P3H3: variants seen among roughly 807,000 people sequenced by gnomAD.
P3H3 encodes gene rich cluster, B.
A neutral mutation model predicts 78.1 loss-of-function variants in P3H3; 64 were observed. The observed-to-expected ratio is 0.82, with a 90% CI of 0.67 to 1.01. The LOEUF (loss-of-function observed/expected upper bound fraction) is 1.01, where lower values mean the gene tolerates loss of function less well. Ranked by LOEUF, P3H3 falls within the 50% of genes least tolerant of loss-of-function variation. The probability of loss-of-function intolerance (pLI) is 0.00; values close to 1 mark genes in which losing one functional copy is unlikely to be tolerated. For missense variants in P3H3, 975 were observed against 982.2 expected, an observed-to-expected ratio of 0.99 and a Z score of 0.10; for synonymous variants, 425 against 416.7, an observed-to-expected ratio of 1.02 and a Z score of -0.24.
In P3H3 at chr12:6,829,897, C is replaced by T. The variant is rs782256594; in HGVS notation, c.537C>T (p.Thr179=). 11 of 1,613,906 alleles carry T rather than the reference C, an allele frequency of 6.8e-6. No homozygotes were observed. The highest frequency in any genetic ancestry group is 2.2e-5 in the South Asian group (2 of 91,090). The part of the protein sequence containing the change: ...KLDLAAAAAH[T]FFVANPMHLQ... Reference sequence around the variant, plus strand: ...ATCTGGCAGCTGCGGCAGCACACACCTTCTTTGTAGCAAACCCCATGCACC... The same window carrying T: ...ATCTGGCAGCTGCGGCAGCACACACTTTCTTTGTAGCAAACCCCATGCACC... The change falls in exon 2 of 15, where the codon ACC becomes ACT. Residue 179 remains threonine (T), a synonymous_variant. Transcript: ENST00000290510. This position sits in a 1 kb window ranked among gnomAD's most constrained non-coding sequence, Gnocchi z 5.1.
intron 6 of P3H3, 118 bp from the exon 7 acceptor site, chr12:6,833,473 TC>T (rs1423551469): frequency 2.0e-6 from 2 of 1,017,574 alleles, no homozygotes; most frequent in Non-Finnish European, 3.0e-6. Flanking sequence ...CCCGGGCTTT[TC>T]CTACCTCCGT....
intron 13 of P3H3, 97 bp from the exon 14 acceptor site, chr12:6,838,903 C>A: frequency 1.9e-6 from 2 of 1,067,574 alleles, no homozygotes; most frequent in Non-Finnish European, 1.3e-6. Context: ...AGAGCTGATC[C>A]TCTCTGTGCC....
At chr12:6,830,235 C>A in intron 2 of P3H3, 118 bp from the exon 3 acceptor site, 1 of 1,095,366 alleles carries the variant, frequency 9.1e-7, no homozygotes. Flanking sequence ...TATTCTTCTC[C>A]ACGGTGAAGA....
chr12:6,830,213 G>A (rs1555121091), intron 2 of P3H3, 140 bp from the exon 3 acceptor site: 4 of 1,027,684 alleles, frequency 3.9e-6, no homozygotes, highest in Non-Finnish European at 1.4e-6. Context: ...TTATGATTCT[G>A]AGGCCCACCC....
rs782204273 is a variant in P3H3 at position 6,830,665 on chromosome 12, C to G, written c.880C>G (p.Arg294Gly). The change falls in exon 4 of 15, where the codon CGG becomes GGG. Residue 294 changes from arginine (R) to glycine (G), a missense_variant. Coordinates refer to ENST00000290510, the MANE Select transcript of P3H3 (RefSeq NM_014262.5). ...ACACTGGATTCAGGTCCTGCAGTGC[C>G]GGCAACGCTGTGTGGGGGAAACAGC... The part of the protein sequence containing the change: ...AGHWIQVLQC[R>G]QRCVGETATR... 1.2e-6 allele frequency: 2 copies of G among 1,613,002 alleles called. No individual in the cohort carries two copies. The highest frequency in any genetic ancestry group is 1.7e-6 in the Non-Finnish European group (2 of 1,179,512).
chr12:6,832,056 G>C (rs577260929), intron 6 of P3H3, 142 bp downstream of exon 6: 2 of 621,952 alleles, frequency 3.2e-6, no homozygotes, highest in South Asian at 3.9e-5. Context: ...GACGGAGACA[G>C]TGTGCCTGTA....
In P3H3 at chr12:6,829,045, GGGGCTGGGGAGCGTACCGC is replaced by G. The variant is rs1360744160; in HGVS notation, c.498+112_498+130del. On this transcript the variant is annotated intron_variant, in intron 1 of 14. Transcript: ENST00000290510. The surrounding 1 kb of genome is among the most constrained non-coding windows in gnomAD (Gnocchi z 5.1). ...GAATGCTGTTGCCCGGGCCCCGCAC[GGGGCTGGGGAGCGTACCGC>G]GGGCCTCTGCGTAGGAGCTGGCTAA... 1.4e-6 allele frequency: 1 copy of G among 698,578 alleles called. No homozygotes were observed. Among genetic ancestry groups the G allele is most frequent in the East Asian group, 3.4e-5 (1 of 29,248 alleles). The allele number at this position is 698,578 out of a possible 1,614,324, so 43.3% of individuals were successfully genotyped here. A position where few individuals can be genotyped will look rare whatever the true frequency, so the allele number is the denominator to read the frequency against.
intron 13 of P3H3, 27 bp from the exon 14 acceptor site, chr12:6,838,973 G>C (rs782188484): frequency 1.3e-6 from 2 of 1,544,338 alleles, no homozygotes. Flanking sequence ...CCAATCCCTG[G>C]AGCTGAACCT....
At chr12:6,833,529 C>G in intron 6 of P3H3, 63 bp from the exon 7 acceptor site, 1 of 1,489,030 alleles carries the variant, frequency 6.7e-7, no homozygotes, top group Non-Finnish European at 9.4e-7. Context: ...TATTTCAGCT[C>G]TAATGTCAGG....
At position 6,830,642 on chromosome 12, in the gene P3H3, ACTGGATT is replaced by A; in HGVS notation, c.859_865del (p.Trp287ArgfsTer31). Reference sequence around the variant, plus strand: ...GGCTTATGGGTTTCCTCTGCAGGACACTGGATTCAGGTCCTGCAGTGCCGGCAACGCT... The same window carrying A: ...GGCTTATGGGTTTCCTCTGCAGGACACAGGTCCTGCAGTGCCGGCAACGCT... On this transcript the variant is annotated frameshift_variant, in exon 4 of 15. Coordinates refer to ENST00000290510, the MANE Select transcript of P3H3 (RefSeq NM_014262.5). LOFTEE classifies it high-confidence loss of function. 6.2e-7 allele frequency: 1 copy of A among 1,611,460 alleles called. No individual in the cohort carries two copies. Among genetic ancestry groups the A allele is most frequent in the East Asian group, 2.2e-5 (1 of 44,842 alleles).
chr12:6,831,270 C>T lies in P3H3; in HGVS notation c.1040C>T (p.Pro347Leu), dbSNP rs782279393. The change falls in exon 5 of 15, where the codon CCG (proline) becomes CTG (leucine). Residue 347 changes from proline (P) to leucine (L), a missense_variant. Transcript: ENST00000290510. This position sits in a 1 kb window ranked among gnomAD's most constrained non-coding sequence, Gnocchi z 4.6. ...GTCCTGAGTGTCCTGCTCTTCTACC[C>T]GGAGGATGAGGCTGCCAAGAGGGCT... ...ENVLSVLLFY[P>L]EDEAAKRALN... 80 of 1,613,744 alleles carry T rather than the reference C, an allele frequency of 5.0e-5. No individual in the cohort carries two copies. Among genetic ancestry groups the T allele is most frequent in the South Asian group, 3.4e-4 (31 of 91,078 alleles).
intron 9 of P3H3, among the ~76,000 whole-genome samples, chr12:6,836,321 G>A (rs782219088): frequency 5.3e-5 from 8 of 151,544 alleles, no homozygotes; most frequent in Admixed American, 2.6e-4. Flanking sequence ...TAACTAGATA[G>A]TGGTGCTTAA....
chr12:6,830,082 CTG>C lies in P3H3; in HGVS notation c.651+74_651+75del, dbSNP rs1438314294. 3 of 1,583,010 alleles carry C rather than the reference CTG, an allele frequency of 1.9e-6. No individual in the cohort carries two copies. The Admixed American group carries it at 5.2e-5, about 27-fold the overall frequency. On this transcript the variant is annotated intron_variant, in intron 2 of 14. Coordinates refer to ENST00000290510, the MANE Select transcript of P3H3 (RefSeq NM_014262.5). ...GGCTGGATACACAGGCCTCACTAAA[CTG>C]TGCGTTGTGCTGCTTGAGCATACAG...
At chr12:6,835,211 A>G (rs1555121933) in intron 9 of P3H3, among the ~76,000 whole-genome samples, 1 of 152,180 alleles carries the variant, frequency 6.6e-6, no homozygotes, top group African/African-American at 2.4e-5. Flanking sequence ...CTATAAAATG[A>G]GGATAATAAT....
chr12:6,838,081 G>C, intron 13 of P3H3, 48 bp downstream of exon 13: 1 of 1,562,636 alleles, frequency 6.4e-7, no homozygotes, highest in Non-Finnish European at 8.7e-7. Context: ...CCCAGCTGTG[G>C]GGTCAGGATT....
Position 6,831,272 on chromosome 12 carries a change from G to A in P3H3, c.1042G>A (p.Glu348Lys), listed in dbSNP as rs782700566. 3 of 1,613,918 alleles carry A rather than the reference G, an allele frequency of 1.9e-6. No homozygotes were observed. Among genetic ancestry groups the A allele is most frequent in the African/African-American group, 2.7e-5 (2 of 75,024 alleles). ...CCTGAGTGTCCTGCTCTTCTACCCG[G>A]AGGATGAGGCTGCCAAGAGGGCTCT... ...NVLSVLLFYP[E>K]DEAAKRALNQ... Residue 348 changes from glutamate to lysine, a missense_variant, in exon 5 of 15, where the codon GAG becomes AAG. Physicochemically the swap from Glu to Lys is moderately conservative, Grantham distance 56 (BLOSUM62 1). Transcript: ENST00000290510. The surrounding 1 kb of genome is among the most constrained non-coding windows in gnomAD (Gnocchi z 4.6).
At position 6,831,125 on chromosome 12, in the gene P3H3, G is replaced by A. The variant is rs1555121355; in HGVS notation, c.986-91G>A. The A allele has an allele frequency of 1.3e-6, 2 of 1,547,214 alleles. No individual in the cohort carries two copies. Among genetic ancestry groups the A allele is most frequent in the East Asian group, 4.5e-5 (2 of 44,530 alleles). ...TGGAGTTAGCTGTCTGGCCTCTGGAGACCACCTTCTCCAGCACTGCCTCTG... is the reference window on the plus strand; with the variant it reads ...TGGAGTTAGCTGTCTGGCCTCTGGAAACCACCTTCTCCAGCACTGCCTCTG... On this transcript the variant is annotated intron_variant, in intron 4 of 14. Coordinates refer to ENST00000290510, the MANE Select transcript of P3H3 (RefSeq NM_014262.5). The surrounding 1 kb of genome is among the most constrained non-coding windows in gnomAD (Gnocchi z 4.6).
At position 6,836,092 on chromosome 12, in the gene P3H3, C is replaced by T. The variant is rs117798334; in HGVS notation, c.1459-893C>T. On this transcript the variant is annotated intron_variant, in intron 9 of 14. Transcript: ENST00000290510. ...ATACAAAAAATTAGCTGGGCCTATG[C>T]GCCTATATGTTCCCACCTACTTGGG... Among the ~76,000 whole-genome samples, 649 of 152,084 alleles carry T rather than the reference C, an allele frequency of 4.3e-3. 5 individuals are homozygous for T. Among genetic ancestry groups the T allele is most frequent in the Middle Eastern group, 0.01 (3 of 294 alleles).
Position 6,831,065 on chromosome 12 carries a change from C to A in P3H3, c.986-151C>A. 9.8e-7 allele frequency: 1 copy of A among 1,025,508 alleles called. No homozygotes were observed. The highest frequency in any genetic ancestry group is 1.7e-5 in the Admixed American group (1 of 58,550). 63.5% of individuals were successfully genotyped at this position (1,025,508 alleles called of 1,614,324 possible). A position where few individuals can be genotyped will look rare whatever the true frequency, so the allele number is the denominator to read the frequency against. On this transcript the variant is annotated intron_variant, in intron 4 of 14. Coordinates refer to ENST00000290510, the MANE Select transcript of P3H3 (RefSeq NM_014262.5). This position sits in a 1 kb window ranked among gnomAD's most constrained non-coding sequence, Gnocchi z 4.6. ...TTGCACCAGTGTTTGAAAGAACCGG[C>A]AGCTGAACTTGTCTGCCAGTGGGAA...
Sources: allele counts gnomAD v4.1 joint callset (sites outside exome capture counted in the v4.1 genomes callset), GRCh38; gene constraint gnomAD v4.1.1; non-coding constraint Gnocchi (gnomAD v3.1); transcripts MANE v1.5; gene names NCBI Gene and HGNC (gene_info 2026-07-23, HGNC 2026-07-21).